Variants in GPC5 observed in about 807,000 individuals in gnomAD.
GPC5 encodes glypican 5, also known as glypican-5.
Under a neutral mutation model 53.9 loss-of-function variants are expected in GPC5, and 47 were observed. The observed-to-expected ratio is 0.87, with a 90% CI of 0.69 to 1.11. The LOEUF is 1.11. GPC5 is among the 50% of genes most tolerant of loss of function. GPC5 has a pLI of 0.00. For synonymous variants in GPC5, 286 were observed against 263.3 expected (o/e 1.09, Z -0.84); for missense variants, 748 against 713.1 (o/e 1.05, Z -0.56).
chr13:91,732,777 G>A (rs1315944281), intron 4 of GPC5, among the ~76,000 whole-genome samples: 1 of 152,098 alleles, frequency 6.6e-6, no homozygotes, highest in African/African-American at 2.4e-5. Flanking sequence ...ATTAAATAGG[G>A]AATCCTTTTC....
intron 7 of GPC5, among the ~76,000 whole-genome samples, chr13:92,639,737 G>T (rs1181816274): frequency 6.6e-6 from 1 of 152,150 alleles, no homozygotes; most frequent in African/African-American, 2.4e-5. Context: ...ATGGGTAGGG[G>T]TTTTCTAGGA....
At chr13:91,901,542 G>A (rs1253690180) in intron 5 of GPC5, among the ~76,000 whole-genome samples, 1 of 151,992 alleles carries the variant, frequency 6.6e-6, no homozygotes, top group Non-Finnish European at 1.5e-5. Context: ...GTGTACAAAA[G>A]TCAACACTTG....
chr13:91,432,155 TC>T (rs2139026881), intron 1 of GPC5, among the ~76,000 whole-genome samples: 1 of 151,124 alleles, frequency 6.6e-6, no homozygotes, highest in Non-Finnish European at 1.5e-5. Context: ...AATTTTCTCA[TC>T]CCTCATGTAG....
At chr13:92,774,303 C>A (rs1875718131) in intron 7 of GPC5, among the ~76,000 whole-genome samples, 1 of 152,186 alleles carries the variant, frequency 6.6e-6, no homozygotes, top group South Asian at 2.1e-4. Context: ...CATCTCATAC[C>A]TTTATACATA....
intron 7 of GPC5, among the ~76,000 whole-genome samples, chr13:92,629,166 G>A (rs757307266): frequency 2.6e-4 from 39 of 152,156 alleles, no homozygotes; most frequent in Non-Finnish European, 4.9e-4. Context: ...TTTCTACCAG[G>A]ATTCTTTTGG....
chr13:91,594,170 T>A (rs941134293), intron 2 of GPC5, among the ~76,000 whole-genome samples: 2 of 152,228 alleles, frequency 1.3e-5, no homozygotes, highest in African/African-American at 2.4e-5. Context: ...TAGAAAATAA[T>A]GTTATGTCAT....
intron 7 of GPC5, among the ~76,000 whole-genome samples, chr13:92,693,015 T>C (rs2139236996): frequency 6.6e-6 from 1 of 152,062 alleles, no homozygotes; most frequent in East Asian, 1.9e-4. Flanking sequence ...TCTAATAATA[T>C]CTGATGGTTA....
intron 2 of GPC5, among the ~76,000 whole-genome samples, chr13:91,454,746 A>G (rs1881418656): frequency 6.6e-6 from 1 of 152,048 alleles, no homozygotes. Context: ...AGTATCTGTT[A>G]GCATAAAGGA....
chr13:91,948,437 C>T (rs1263637721), intron 6 of GPC5, among the ~76,000 whole-genome samples: 2 of 151,886 alleles, frequency 1.3e-5, no homozygotes, highest in Non-Finnish European at 2.9e-5. Flanking sequence ...ACTTTCTAGG[C>T]ACTGTTTTGG....
chr13:91,974,849 C>G (rs1434728062), intron 6 of GPC5, among the ~76,000 whole-genome samples: 1 of 152,080 alleles, frequency 6.6e-6, no homozygotes, highest in Non-Finnish European at 1.5e-5. Flanking sequence ...CGGAGGCATC[C>G]CGCTACCTGA....
chr13:92,711,587 C>CA, intron 7 of GPC5, among the ~76,000 whole-genome samples: 1 of 152,130 alleles, frequency 6.6e-6, no homozygotes, highest in Middle Eastern at 3.4e-3. Context: ...CACCATCAAT[C>CA]AACTGTCTCT....
At chr13:92,539,182 T>C (rs541820559) in intron 7 of GPC5, among the ~76,000 whole-genome samples, 2 of 151,582 alleles carry the variant, frequency 1.3e-5, no homozygotes, top group African/African-American at 2.4e-5. Context: ...TTTGGGTATA[T>C]ACTCAGTAAT....
At chr13:92,817,233 C>G (rs1401567274) in intron 7 of GPC5, among the ~76,000 whole-genome samples, 10 of 151,956 alleles carry the variant, frequency 6.6e-5, no homozygotes. Context: ...TACAATGAAG[C>G]AGAAAATATG....
chr13:92,629,725 A>C (rs1291939586), intron 7 of GPC5, among the ~76,000 whole-genome samples: 1 of 152,202 alleles, frequency 6.6e-6, no homozygotes, highest in Non-Finnish European at 1.5e-5. Flanking sequence ...TTTCTGAGCC[A>C]TTAGATAAAT....
chr13:92,854,296 T>A (rs1022326916), intron 7 of GPC5, among the ~76,000 whole-genome samples: 13 of 147,452 alleles, frequency 8.8e-5, no homozygotes, highest in Non-Finnish European at 1.9e-4. Flanking sequence ...TATAGAAAAA[T>A]ATATATATTT....
At chr13:92,821,584 T>C (rs533665411) in intron 7 of GPC5, among the ~76,000 whole-genome samples, 22 of 152,278 alleles carry the variant, frequency 1.4e-4, no homozygotes, top group African/African-American at 5.3e-4. Context: ...TTTTCCTTTA[T>C]CTTCTGTGTT....
intron 7 of GPC5, among the ~76,000 whole-genome samples, chr13:92,557,865 A>G (rs2139024670): frequency 6.6e-6 from 1 of 152,078 alleles, no homozygotes; most frequent in South Asian, 2.1e-4. Context: ...GTTTGCTCTC[A>G]GAGAGCTGGG....
At chr13:92,415,718 A>G (rs1193831581) in intron 7 of GPC5, among the ~76,000 whole-genome samples, 2 of 152,094 alleles carry the variant, frequency 1.3e-5, no homozygotes, top group African/African-American at 4.8e-5. Context: ...ATGATAATAT[A>G]AGTCATTGTA....
chr13:92,406,252 C>A (rs1875791369), intron 7 of GPC5, among the ~76,000 whole-genome samples: 1 of 152,084 alleles, frequency 6.6e-6, no homozygotes, highest in South Asian at 2.1e-4. Context: ...AAGGCAATCA[C>A]CAGGAGAGAT....
Sources: gnomAD v4.1 joint callset for allele counts (sites outside exome capture counted in the v4.1 genomes callset) on GRCh38, gnomAD v4.1.1 for gene constraint, MANE v1.5 for transcripts, NCBI Gene and HGNC (gene_info 2026-07-23, HGNC 2026-07-21) for gene names.